Variants in CNOT10 observed in about 807,000 individuals in gnomAD.
CNOT10 encodes the protein CCR4-NOT transcription complex, subunit 10.
In CNOT10, 30 loss-of-function variants were observed where a neutral mutation model predicts 94.6. The ratio of observed to expected loss-of-function variants is 0.32; its 90% CI spans 0.24 to 0.43. The LOEUF is 0.43. CNOT10 is among the 20% of genes least tolerant of loss of function. The pLI is 1.00. For missense variants in CNOT10, 759 were observed against 877.2 expected (o/e 0.87, Z 1.70); for synonymous variants, 289 against 301.6 (o/e 0.96, Z 0.43).
Position 32,754,489 on chromosome 3 carries a change from A to AAAAAATATAT in CNOT10, c.1596-4968_1596-4967insAAAATATATA, listed in dbSNP as rs77878221. ...AAGACTCCGTCTCAAAAAAAAAAAA[A>AAAAAATATAT]ATACATATATATATATATATTTATT... On this transcript the variant is annotated intron_variant, in intron 13 of 18. Transcript: ENST00000328834. Among the ~76,000 whole-genome samples the AAAAAATATAT allele has an allele frequency of 8.7e-4, 61 of 70,176 alleles. 2 individuals are homozygous for AAAAAATATAT. Among genetic ancestry groups the AAAAAATATAT allele is most frequent in the African/African-American group, 1.4e-3 (18 of 13,052 alleles). The allele number at this position is 70,176 out of a possible 152,430, so 46.0% of individuals were successfully genotyped here. A position where few individuals can be genotyped will look rare whatever the true frequency, so the allele number is the denominator to read the frequency against.
chr3:32,732,946 C>T (rs1699023814), intron 10 of CNOT10, among the ~76,000 whole-genome samples: 1 of 152,088 alleles, frequency 6.6e-6, no homozygotes, highest in Admixed American at 6.6e-5. Flanking sequence ...ATTTTTACCA[C>T]GTACAGCTTA....
At chr3:32,741,989 T>A (rs938233614) in intron 13 of CNOT10, among the ~76,000 whole-genome samples, 2 of 151,012 alleles carry the variant, frequency 1.3e-5, no homozygotes, top group African/African-American at 4.9e-5. Context: ...TTTTATTTTA[T>A]TTTTTTGCCA....
At chr3:32,707,769 C>G (rs1365545289) in intron 3 of CNOT10, among the ~76,000 whole-genome samples, 1 of 151,930 alleles carries the variant, frequency 6.6e-6, no homozygotes, top group Admixed American at 6.6e-5. Flanking sequence ...TGCCACTGCA[C>G]TCCAGCCTGG....
At chr3:32,721,790 G>A (rs1462291734) in intron 8 of CNOT10, among the ~76,000 whole-genome samples, 1 of 151,604 alleles carries the variant, frequency 6.6e-6, no homozygotes, top group Admixed American at 6.6e-5. Context: ...GAGACTACAG[G>A]CGTCTGCCAC....
chr3:32,767,165 C>T (rs1362307046), intron 17 of CNOT10, among the ~76,000 whole-genome samples: 2 of 152,112 alleles, frequency 1.3e-5, no homozygotes, highest in Non-Finnish European at 2.9e-5. Flanking sequence ...TGAGAAGGCC[C>T]ACATCCCCAC....
At chr3:32,690,761 C>A (rs13098369) in intron 1 of CNOT10, among the ~76,000 whole-genome samples, 2,940 of 152,052 alleles carry the variant, frequency 0.019, 42 homozygotes, top group East Asian at 0.047. Flanking sequence ...GTTGGCCAGG[C>A]TGGTCTCTAA....
chr3:32,761,345 G>A (rs1211443466), intron 14 of CNOT10, among the ~76,000 whole-genome samples: 3 of 152,160 alleles, frequency 2.0e-5, no homozygotes, highest in African/African-American at 4.8e-5. Context: ...AATTGCAGCT[G>A]ATGCTGGTGT....
At chr3:32,720,823 C>T (rs994140063) in intron 8 of CNOT10, among the ~76,000 whole-genome samples, 9 of 119,838 alleles carry the variant, frequency 7.5e-5, no homozygotes, top group African/African-American at 3.1e-4. Flanking sequence ...GACTTGCCTG[C>T]CCTCCCTCCC....
chr3:32,750,333 A>G (rs1373329917), intron 13 of CNOT10, among the ~76,000 whole-genome samples: 1 of 151,928 alleles, frequency 6.6e-6, no homozygotes, highest in Non-Finnish European at 1.5e-5. Context: ...CATCTCTACT[A>G]AAAATATAAA....
At chr3:32,740,873 A>G (rs1442650512) in intron 13 of CNOT10, among the ~76,000 whole-genome samples, 1 of 151,904 alleles carries the variant, frequency 6.6e-6, no homozygotes, top group African/African-American at 2.4e-5. Context: ...AAAAAAAAAA[A>G]AAAAAAAATT....
chr3:32,766,665 A>G (rs965655672), intron 17 of CNOT10, among the ~76,000 whole-genome samples: 2 of 151,672 alleles, frequency 1.3e-5, no homozygotes, highest in African/African-American at 4.8e-5. Flanking sequence ...TTATAAATCC[A>G]CCTTTCAGAA....
chr3:32,694,813 A>T (rs917702834), intron 1 of CNOT10, among the ~76,000 whole-genome samples: 2 of 150,556 alleles, frequency 1.3e-5, no homozygotes, highest in African/African-American at 2.4e-5. Flanking sequence ...ATGCTCTCAA[A>T]CTCCCCACCT....
chr3:32,755,319 C>CTTTTTTTTTTTTTTTTT (rs777391696), intron 13 of CNOT10, among the ~76,000 whole-genome samples: 1 of 131,186 alleles, frequency 7.6e-6, no homozygotes, highest in African/African-American at 2.8e-5. Context: ...TTTTCTTTTT[C>CTTTTTTTTTTTTTTTTT]TTTTTTTTTT....
intron 10 of CNOT10, among the ~76,000 whole-genome samples, chr3:32,730,034 C>G (rs1698872372): frequency 6.6e-6 from 1 of 152,008 alleles, no homozygotes; most frequent in Admixed American, 6.6e-5. Context: ...TCCCAAAGTG[C>G]TGGGATTACA....
chr3:32,739,973 G>A (rs1305996492), intron 13 of CNOT10, among the ~76,000 whole-genome samples: 2 of 152,196 alleles, frequency 1.3e-5, no homozygotes, highest in Admixed American at 6.6e-5. Context: ...TTGCATGCCT[G>A]TGGTTCCAGG....
chr3:32,735,064 C>G, intron 12 of CNOT10, 88 bp downstream of exon 12: 1 of 1,109,486 alleles, frequency 9.0e-7, no homozygotes, highest in African/African-American at 1.6e-5. Context: ...TTCCTAAAAT[C>G]TTCAACCTGA....
At chr3:32,729,931 G>C (rs954049145) in intron 10 of CNOT10, among the ~76,000 whole-genome samples, 3 of 150,740 alleles carry the variant, frequency 2.0e-5, no homozygotes, top group Non-Finnish European at 3.0e-5. Context: ...ACTACGCCCG[G>C]CTAATTTTTT....
chr3:32,693,772 G>A (rs1333506318), intron 1 of CNOT10, among the ~76,000 whole-genome samples: 1 of 151,924 alleles, frequency 6.6e-6, no homozygotes, highest in Non-Finnish European at 1.5e-5. Context: ...GAACTCTTGA[G>A]CTCAAGCCAT....
intron 17 of CNOT10, among the ~76,000 whole-genome samples, chr3:32,767,778 C>G (rs995689153): frequency 7.2e-5 from 11 of 152,134 alleles, no homozygotes; most frequent in African/African-American, 2.7e-4. Flanking sequence ...AAATGTTTCA[C>G]TCTTCTCAGT....
Sources: allele counts gnomAD v4.1 joint callset (sites outside exome capture counted in the v4.1 genomes callset), GRCh38; gene constraint gnomAD v4.1.1; transcripts MANE v1.5; gene names NCBI Gene and HGNC (gene_info 2026-07-23, HGNC 2026-07-21).